Variants in NTM observed in about 807,000 individuals in gnomAD.
NTM encodes the protein neurotrimin.
Under a neutral mutation model 42.1 loss-of-function variants are expected in NTM, and 13 were observed. The observed-to-expected ratio is 0.31, with a 90% CI of 0.20 to 0.49. NTM has a LOEUF of 0.49. NTM is among the 20% of genes least tolerant of loss of function. NTM has a pLI of 0.99. For synonymous variants in NTM, 187 were observed against 179.2 expected (o/e 1.04, Z -0.35); for missense variants, 373 against 452.8 (o/e 0.82, Z 1.60).
intron 2 of NTM, among the ~76,000 whole-genome samples, chr11:132,089,936 G>A (rs1309768799): frequency 2.6e-5 from 4 of 152,106 alleles, no homozygotes; most frequent in East Asian, 3.9e-4. Context: ...TTTATAATAA[G>A]TATTTTCTAT....
chr11:131,536,582 C>T (rs993511951), intron 1 of NTM: 1 of 152,214 alleles, frequency 6.6e-6, no homozygotes, highest in Non-Finnish European at 1.5e-5. Flanking sequence ...CTAGATTCTA[C>T]AATTAACACT....
At chr11:131,482,378 C>T (rs547450328) in intron 1 of NTM, among the ~76,000 whole-genome samples, 2 of 152,336 alleles carry the variant, frequency 1.3e-5, no homozygotes, top group East Asian at 3.9e-4. Flanking sequence ...AGAGCTGAGA[C>T]ATATACATCA....
At chr11:132,087,029 G>A (rs1389769526) in intron 2 of NTM, among the ~76,000 whole-genome samples, 2 of 152,182 alleles carry the variant, frequency 1.3e-5, no homozygotes, top group African/African-American at 4.8e-5. Context: ...GACTGAAGAT[G>A]AATGGCTGCT....
intron 2 of NTM, among the ~76,000 whole-genome samples, chr11:132,019,602 A>AT (rs1274713078): frequency 1.3e-5 from 2 of 151,870 alleles, no homozygotes; most frequent in African/African-American, 4.8e-5. Context: ...CTTAAAGTTT[A>AT]TTTTTTTCTG....
At chr11:132,320,013 A>C (rs962469426) in intron 7 of NTM, among the ~76,000 whole-genome samples, 4 of 152,180 alleles carry the variant, frequency 2.6e-5, no homozygotes, top group Non-Finnish European at 5.9e-5. Flanking sequence ...CAGGGTCTGG[A>C]GTGGACCTCT....
At chr11:132,071,838 T>A (rs2057717774) in intron 2 of NTM, among the ~76,000 whole-genome samples, 1 of 152,168 alleles carries the variant, frequency 6.6e-6, no homozygotes, top group African/African-American at 2.4e-5. Context: ...CTCATATATA[T>A]GGTAACCAGG....
At chr11:131,659,480 CG>C (rs2067666620) in intron 1 of NTM, among the ~76,000 whole-genome samples, 1 of 152,080 alleles carries the variant, frequency 6.6e-6, no homozygotes, top group South Asian at 2.1e-4. Context: ...GCATGGTGGC[CG>C]GGCCATCGAC....
chr11:131,700,517 C>T (rs57651971), intron 1 of NTM, among the ~76,000 whole-genome samples: 1 of 152,128 alleles, frequency 6.6e-6, no homozygotes, highest in Non-Finnish European at 1.5e-5. Context: ...GATCTTCTAG[C>T]TTCATGATGA....
intron 2 of NTM, among the ~76,000 whole-genome samples, chr11:131,963,313 C>CT (rs2062435181): frequency 6.6e-6 from 1 of 152,140 alleles, no homozygotes; most frequent in African/African-American, 2.4e-5. Context: ...CTGGATAACT[C>CT]TGAGTTTGGG....
chr11:132,330,780 G>A (rs750983070), intron 8 of NTM, among the ~76,000 whole-genome samples: 11 of 152,274 alleles, frequency 7.2e-5, no homozygotes, highest in East Asian at 1.9e-4. Flanking sequence ...TTAGGCCTCC[G>A]CAGCTCTCTA....
intron 1 of NTM, among the ~76,000 whole-genome samples, chr11:131,704,007 A>T (rs1459269768): frequency 1.3e-5 from 2 of 152,164 alleles, no homozygotes; most frequent in Admixed American, 1.3e-4. Flanking sequence ...GCACCCGATC[A>T]GCACTAGTGA....
At chr11:132,312,053 G>T (rs1226515516) in intron 6 of NTM, among the ~76,000 whole-genome samples, 1 of 152,086 alleles carries the variant, frequency 6.6e-6, no homozygotes, top group African/African-American at 2.4e-5. Flanking sequence ...TCCCTTCCCT[G>T]CACATGTATT....
At chr11:131,378,605 C>T (rs1273282724) in intron 1 of NTM, among the ~76,000 whole-genome samples, 2 of 152,132 alleles carry the variant, frequency 1.3e-5, no homozygotes, top group African/African-American at 4.8e-5. Flanking sequence ...ATTAACTTGT[C>T]ATGGGTAGGG....
intron 2 of NTM, among the ~76,000 whole-genome samples, chr11:132,092,437 C>G (rs2060482791): frequency 6.6e-6 from 1 of 152,308 alleles, no homozygotes; most frequent in Admixed American, 6.5e-5. Flanking sequence ...CCCACCTGAC[C>G]TCCTCAAGTC....
At chr11:131,691,747 A>AGCGGG (rs1433427903) in intron 1 of NTM, among the ~76,000 whole-genome samples, 1 of 152,088 alleles carries the variant, frequency 6.6e-6, no homozygotes, top group African/African-American at 2.4e-5. Flanking sequence ...GGCTGAGCGG[A>AGCGGG]GCGGGGCTGG....
At chr11:131,678,811 G>A (rs1339149556) in intron 1 of NTM, among the ~76,000 whole-genome samples, 1 of 152,124 alleles carries the variant, frequency 6.6e-6, no homozygotes, top group African/African-American at 2.4e-5. Flanking sequence ...TGAAGCAGAG[G>A]CATGGCCAGA....
intron 4 of NTM, among the ~76,000 whole-genome samples, chr11:132,240,641 G>A (rs1205370410): frequency 6.6e-6 from 1 of 152,234 alleles, no homozygotes; most frequent in East Asian, 1.9e-4. Context: ...ATGCCATCCT[G>A]TTGAAGATAC....
At chr11:131,815,989 G>T (rs759412402) in intron 1 of NTM, among the ~76,000 whole-genome samples, 44 of 152,022 alleles carry the variant, frequency 2.9e-4, no homozygotes, top group Non-Finnish European at 5.4e-4. Flanking sequence ...AACTGACCAT[G>T]GTTTCCATTT....
Position 131,455,090 on chromosome 11 carries a change from ATAGT to A in NTM, c.82+84204_82+84207del, listed in dbSNP as rs551662351. On this transcript the variant is annotated intron_variant, in intron 1 of 8. Coordinates refer to ENST00000683400, the MANE Select transcript of NTM (RefSeq NM_001352005.2). ...GTGCGTGCTGTTCAACGCAAGCATGATAGTTCCATTTCAGAGGCTCAGCAAGACT... is the reference window on the plus strand; with the variant it reads ...GTGCGTGCTGTTCAACGCAAGCATGATCCATTTCAGAGGCTCAGCAAGACT... 2.8e-4 allele frequency among the ~76,000 whole-genome samples: 43 copies of A among 152,340 alleles called. No individual in the cohort carries two copies. The East Asian group carries it at 4.4e-3, about 16-fold the overall frequency.
Sources: allele counts gnomAD v4.1 joint callset (sites outside exome capture counted in the v4.1 genomes callset), GRCh38; gene constraint gnomAD v4.1.1; transcripts MANE v1.5; gene names NCBI Gene and HGNC (gene_info 2026-07-23, HGNC 2026-07-21).